The following NUP210L variants were observed in gnomAD, a reference collection of about 807,000 sequenced individuals.
NUP210L encodes the protein nuclear pore membrane glycoprotein 210-like.
Under a neutral mutation model 208.5 loss-of-function variants are expected in NUP210L, and 74 were observed. That is an observed-to-expected ratio of 0.35 (90% CI 0.29 to 0.43). NUP210L has a LOEUF of 0.43. Among genes scored for constraint, NUP210L ranks in the 20% least tolerant of loss-of-function variants. The pLI is 1.00. For synonymous variants in NUP210L, 780 were observed against 816.9 expected (o/e 0.95, Z 0.77); for missense variants, 1,843 against 2,289.4 (o/e 0.81, Z 3.98).
At chr1:154,085,767 G>T (rs1213993552) in intron 16 of NUP210L, among the ~76,000 whole-genome samples, 1 of 152,172 alleles carries the variant, frequency 6.6e-6, no homozygotes, top group African/African-American at 2.4e-5. Flanking sequence ...CTGACATAAA[G>T]ATGTATAGAT....
chr1:154,092,161 C>T (rs1397385825), intron 15 of NUP210L, among the ~76,000 whole-genome samples: 3 of 149,470 alleles, frequency 2.0e-5, no homozygotes, highest in Non-Finnish European at 3.0e-5. Flanking sequence ...TTGTAAGCTC[C>T]GCCTTCCGGA....
Position 154,056,964 on chromosome 1 carries a change from A to G in NUP210L, c.3108-17T>C. 1 of 1,605,012 alleles carries G rather than the reference A, an allele frequency of 6.2e-7. No individual in the cohort carries two copies. Among genetic ancestry groups the G allele is most frequent in the Non-Finnish European group, 8.5e-7 (1 of 1,177,392 alleles). ...TCCATTGGTCTGCAAAAACCCATGT[A>G]TTTTCAGGTGAGAAAGATTTTTGTT... On this transcript the variant is annotated splice_polypyrimidine_tract_variant and intron_variant, in intron 22 of 39. Coordinates refer to ENST00000368559, the Ensembl canonical transcript of NUP210L.
At chr1:154,089,346 A>G (rs185550309) in intron 16 of NUP210L, 75 bp downstream of exon 16, 752 of 1,288,788 alleles carry the variant, frequency 5.8e-4, no homozygotes, top group Non-Finnish European at 6.1e-4. Context: ...ATATACCCCA[A>G]AGAATTCCAG....
chr1:154,112,644 C>T (rs1657098786), intron 12 of NUP210L, among the ~76,000 whole-genome samples: 2 of 151,980 alleles, frequency 1.3e-5, no homozygotes, highest in East Asian at 1.9e-4. Context: ...TCGCTTGAGC[C>T]CAGGAGTTCA....
chr1:154,058,375 G>A (rs1653981375), intron 21 of NUP210L, among the ~76,000 whole-genome samples, 159 bp from the exon 22 acceptor site: 1 of 152,092 alleles, frequency 6.6e-6, no homozygotes, highest in African/African-American at 2.4e-5. Flanking sequence ...TTTTAAGTTG[G>A]TTTTTAACAG....
chr1:154,140,224 G>C (rs941544185), intron 4 of NUP210L, among the ~76,000 whole-genome samples: 2 of 150,550 alleles, frequency 1.3e-5, no homozygotes, highest in Admixed American at 6.6e-5. Flanking sequence ...GGTGGCATGT[G>C]CCTGTAATTC....
intron 27 of NUP210L, 36 bp downstream of exon 27, chr1:154,046,033 T>G (rs1444264022): frequency 6.4e-7 from 1 of 1,552,596 alleles, no homozygotes. Flanking sequence ...AATATCAAGA[T>G]CCCTAAGATA....
chr1:154,131,010 T>C (rs543317725), intron 7 of NUP210L, among the ~76,000 whole-genome samples: 2 of 152,102 alleles, frequency 1.3e-5, no homozygotes, highest in South Asian at 4.2e-4. Context: ...ATCACGCCTG[T>C]AATCTCAGCA....
intron 36 of NUP210L, 143 bp downstream of exon 36, chr1:154,001,592 G>A (rs994390152): frequency 2.1e-6 from 2 of 946,440 alleles, no homozygotes; most frequent in African/African-American, 3.3e-5. Context: ...AAGGAGATGG[G>A]TTTTCTTCAT....
At chr1:154,009,097 A>G (rs1042754816) in intron 35 of NUP210L, among the ~76,000 whole-genome samples, 1 of 151,798 alleles carries the variant, frequency 6.6e-6, no homozygotes, top group Admixed American at 6.6e-5. Flanking sequence ...TTTAGTAGAG[A>G]TGGGGTTTCA....
intron 28 of NUP210L, among the ~76,000 whole-genome samples, chr1:154,027,971 G>C (rs1015164303): frequency 1.3e-5 from 2 of 151,998 alleles, no homozygotes; most frequent in Admixed American, 1.3e-4. Flanking sequence ...TTGGGGAAAA[G>C]AACTTATAAT....
chr1:154,000,119 A>C (rs1291385508), intron 37 of NUP210L, among the ~76,000 whole-genome samples: 1 of 152,144 alleles, frequency 6.6e-6, no homozygotes, highest in Non-Finnish European at 1.5e-5. Context: ...GGCATGGGCC[A>C]TCATGCCTGG....
intron 27 of NUP210L, among the ~76,000 whole-genome samples, chr1:154,040,326 C>T (rs965323468): frequency 4.0e-5 from 6 of 151,220 alleles, no homozygotes; most frequent in East Asian, 3.9e-4. Context: ...ATCGCTTGAG[C>T]CTAGAAGTTT....
intron 6 of NUP210L, among the ~76,000 whole-genome samples, chr1:154,136,668 C>A (rs1658561364): frequency 6.6e-6 from 1 of 151,446 alleles, no homozygotes; most frequent in African/African-American, 2.4e-5. Flanking sequence ...CGCCTGTAAT[C>A]CCAGCACCGT....
intron 16 of NUP210L, among the ~76,000 whole-genome samples, chr1:154,085,001 C>A (rs868335348): frequency 1.4e-5 from 2 of 143,120 alleles, no homozygotes; most frequent in Non-Finnish European, 3.1e-5. Flanking sequence ...CCACCCAATT[C>A]GGCCTCCCAA....
chr1:154,139,340 G>A (rs1405875837), intron 5 of NUP210L, among the ~76,000 whole-genome samples: 1 of 152,150 alleles, frequency 6.6e-6, no homozygotes, highest in Non-Finnish European at 1.5e-5. Flanking sequence ...TATTTTAAGA[G>A]AAAATGCCAG....
chr1:154,046,491 T>C (rs556663419), intron 25 of NUP210L, 122 bp from the exon 26 acceptor site: 10 of 780,674 alleles, frequency 1.3e-5, no homozygotes, highest in Admixed American at 2.1e-5. Context: ...TTGCCCATGC[T>C]TATTGCAGCA....
At chr1:154,148,314 A>ACACC (rs1659220494) in intron 2 of NUP210L, among the ~76,000 whole-genome samples, 1 of 150,298 alleles carries the variant, frequency 6.7e-6, no homozygotes, top group African/African-American at 2.4e-5. Flanking sequence ...GAACATGGTG[A>ACACC]CACCCCATCT....
exon 34 of NUP210L, chr1:154,012,273 G>A (rs1650969184): frequency 1.2e-6 from 2 of 1,613,760 alleles, no homozygotes; most frequent in Non-Finnish European, 1.7e-6. Flanking sequence ...TCTGCCAGTG[G>A]TGATGAAGAG....
Sources: gnomAD v4.1 joint callset for allele counts (sites outside exome capture counted in the v4.1 genomes callset) on GRCh38, gnomAD v4.1.1 for gene constraint, MANE v1.5 for transcripts, NCBI Gene and HGNC (gene_info 2026-07-23, HGNC 2026-07-21) for gene names.